SLC9A9: variants seen among roughly 807,000 people sequenced by gnomAD.
The protein encoded by SLC9A9 is sodium/hydrogen exchanger 9.
SLC9A9 carries 62 observed loss-of-function variants against 77.8 expected under a neutral mutation model. The ratio of observed to expected loss-of-function variants is 0.80; its 90% confidence interval spans 0.65 to 0.98. The LOEUF is 0.98. SLC9A9 is among the 50% of genes least tolerant of loss of function. The probability of loss-of-function intolerance (pLI) is 0.00; values close to 1 mark genes in which losing one functional copy is unlikely to be tolerated. For missense variants in SLC9A9, 775 were observed against 774.9 expected (o/e 1.00, Z 0.00); for synonymous variants, 320 against 283.5 (o/e 1.13, Z -1.29).
intron 4 of SLC9A9, among the ~76,000 whole-genome samples, chr3:143,767,128 C>G (rs1022422047): frequency 2.6e-5 from 4 of 152,080 alleles, no homozygotes; most frequent in African/African-American, 9.7e-5. Flanking sequence ...AGGTATGCTT[C>G]TTGCCTGGAC....
chr3:143,838,138 T>C (rs1221954383), intron 1 of SLC9A9, among the ~76,000 whole-genome samples: 3 of 152,200 alleles, frequency 2.0e-5, no homozygotes, highest in Non-Finnish European at 4.4e-5. Flanking sequence ...TTGGTTTTCC[T>C]GTCACAAAGC....
intron 6 of SLC9A9, among the ~76,000 whole-genome samples, chr3:143,596,195 G>C (rs186262235): frequency 6.6e-6 from 1 of 152,250 alleles, no homozygotes; most frequent in East Asian, 1.9e-4. Flanking sequence ...AGGGCCCATA[G>C]CTAAAGAAAA....
chr3:143,507,190 T>C (rs1576542828), intron 9 of SLC9A9, among the ~76,000 whole-genome samples: 2 of 151,746 alleles, frequency 1.3e-5, no homozygotes, highest in Non-Finnish European at 2.9e-5. Context: ...TCTCTCATTA[T>C]TATTATCATT....
intron 4 of SLC9A9, among the ~76,000 whole-genome samples, chr3:143,763,836 G>T (rs2007216332): frequency 6.6e-6 from 1 of 151,960 alleles, no homozygotes; most frequent in African/African-American, 2.4e-5. Flanking sequence ...GAAAGTTGGG[G>T]ATAGGGCCAT....
intron 11 of SLC9A9, among the ~76,000 whole-genome samples, chr3:143,482,656 G>T (rs957159021): frequency 6.6e-6 from 1 of 152,140 alleles, no homozygotes; most frequent in Admixed American, 6.6e-5. Flanking sequence ...GCTAAGTTGG[G>T]CTTGGCATTT....
intron 6 of SLC9A9, among the ~76,000 whole-genome samples, chr3:143,616,796 A>G (rs574585511): frequency 6.6e-5 from 10 of 152,266 alleles, no homozygotes; most frequent in Non-Finnish European, 1.3e-4. Context: ...TCTCATAAAT[A>G]TGGATAAAGA....
intron 11 of SLC9A9, among the ~76,000 whole-genome samples, chr3:143,476,504 T>C (rs1477206900): frequency 1.3e-5 from 2 of 152,248 alleles, no homozygotes; most frequent in Non-Finnish European, 2.9e-5. Context: ...CATAGATGCC[T>C]CTGGCTTTGG....
intron 14 of SLC9A9, among the ~76,000 whole-genome samples, chr3:143,299,106 A>G (rs1332981313): frequency 2.0e-5 from 3 of 152,166 alleles, no homozygotes; most frequent in Non-Finnish European, 4.4e-5. Context: ...TGATGTTCAC[A>G]TTTTTACTGC....
At chr3:143,722,240 G>A (rs910932128) in intron 4 of SLC9A9, among the ~76,000 whole-genome samples, 1 of 152,100 alleles carries the variant, frequency 6.6e-6, no homozygotes, top group African/African-American at 2.4e-5. Context: ...TCGGGAGGCC[G>A]AGGCGGGCGG....
chr3:143,426,686 G>T (rs1295957473), intron 12 of SLC9A9, among the ~76,000 whole-genome samples: 2 of 152,338 alleles, frequency 1.3e-5, no homozygotes, highest in African/African-American at 4.8e-5. Context: ...CCAGTGCCAT[G>T]TTGGAAAAAG....
rs75087237 is a variant in SLC9A9, at chr3:143,377,257, T to C, written c.1524+4803A>G. Among the ~76,000 whole-genome samples the C allele has an allele frequency of 2.6e-5, 4 of 152,366 alleles. No individual in the cohort carries two copies. The East Asian group carries it at 7.7e-4, about 29-fold the overall frequency. On this transcript the variant is annotated intron_variant, in intron 13 of 15. Coordinates refer to ENST00000316549, the MANE Select transcript of SLC9A9 (RefSeq NM_173653.4). ...AACAAATACTTTTATTATTCACCCA[T>C]GGCCTCTTCCAGGCTTCAAAGGTAT... is the stretch of plus-strand genomic sequence containing the variant.
At chr3:143,797,180 A>T (rs192434968) in intron 2 of SLC9A9, among the ~76,000 whole-genome samples, 5,093 of 150,402 alleles carry the variant, frequency 0.034, 245 homozygotes, top group African/African-American at 0.1. Flanking sequence ...ATGTCTTTTT[A>T]TATATATATA....
intron 6 of SLC9A9, among the ~76,000 whole-genome samples, chr3:143,644,388 G>A (rs1348827791): frequency 1.3e-5 from 2 of 152,186 alleles, no homozygotes; most frequent in Non-Finnish European, 2.9e-5. Flanking sequence ...GTAGAGTTCT[G>A]GAGACGCTGC....
chr3:143,400,355 T>TA (rs2033825989), intron 12 of SLC9A9, among the ~76,000 whole-genome samples: 1 of 152,022 alleles, frequency 6.6e-6, no homozygotes, highest in Admixed American at 6.6e-5. Flanking sequence ...TACTCAGCCG[T>TA]AAAAAAGAAA....
At chr3:143,815,937 C>G (rs187544481) in intron 2 of SLC9A9, among the ~76,000 whole-genome samples, 1 of 152,114 alleles carries the variant, frequency 6.6e-6, no homozygotes, top group African/African-American at 2.4e-5. Flanking sequence ...CCAGAGAGAT[C>G]GAGAGACATG....
At chr3:143,495,197 A>C in intron 10 of SLC9A9, 138 bp downstream of exon 10, 1 of 690,236 alleles carries the variant, frequency 1.4e-6, no homozygotes, top group Non-Finnish European at 2.5e-6. Context: ...CCCTAACTAG[A>C]AATCACGTAT....
chr3:143,629,809 T>C (rs1024392218), intron 6 of SLC9A9, among the ~76,000 whole-genome samples: 3 of 152,118 alleles, frequency 2.0e-5, no homozygotes, highest in South Asian at 2.1e-4. Context: ...GAGATGTTCA[T>C]TCACTCAACA....
At chr3:143,501,013 A>G (rs2035914054) in intron 9 of SLC9A9, among the ~76,000 whole-genome samples, 1 of 150,520 alleles carries the variant, frequency 6.6e-6, no homozygotes, top group Admixed American at 6.6e-5. Context: ...CTCACTCCTT[A>G]TACTCAAATT....
At chr3:143,791,017 T>C (rs1043203934) in intron 4 of SLC9A9, among the ~76,000 whole-genome samples, 8 of 152,204 alleles carry the variant, frequency 5.3e-5, no homozygotes, top group African/African-American at 7.2e-5. Flanking sequence ...TGTGATATAT[T>C]GGCATGGTGT....
Sources: allele counts gnomAD v4.1 joint callset (sites outside exome capture counted in the v4.1 genomes callset), GRCh38; gene constraint gnomAD v4.1.1; transcripts MANE v1.5; gene names NCBI Gene and HGNC (gene_info 2026-07-23, HGNC 2026-07-21).